NYNRIN: variants seen among roughly 807,000 people sequenced by gnomAD.
NYNRIN encodes NYN domain and retroviral integrase containing, also known as protein NYNRIN.
A neutral mutation model predicts 146.6 loss-of-function variants in NYNRIN; 86 were observed. The ratio of observed to expected loss-of-function variants is 0.59; its 90% confidence interval spans 0.49 to 0.70. The LOEUF is 0.70. Among genes scored for constraint, NYNRIN ranks in the 30% least tolerant of loss-of-function variants. The pLI is 0.00. For synonymous variants in NYNRIN, 1,027 were observed against 1,001.3 expected, an observed-to-expected ratio of 1.03 and a Z score of -0.48; for missense variants, 2,191 against 2,377.7, an observed-to-expected ratio of 0.92 and a Z score of 1.63.
rs1451208498 is a variant in NYNRIN, at chr14:24,413,000, C to T, written c.2646C>T (p.Phe882=). The T allele has an allele frequency of 1.3e-6, 2 of 1,592,614 alleles. No individual in the cohort carries two copies. Among genetic ancestry groups the T allele is most frequent in the Admixed American group, 1.8e-5 (1 of 56,926 alleles). The change falls in exon 7 of 9, where the codon TTC becomes TTT. Residue 882 remains phenylalanine, a synonymous_variant. Coordinates refer to ENST00000382554, the MANE Select transcript of NYNRIN (RefSeq NM_025081.3). ...GKKITTYDYR[F]MVKLAEETDG... is the part of the protein sequence containing the mutation. ...GTGACTTCCCCTCTCCCTGCAGGTT[C>T]ATGGTAAAGCTGGCAGAGGAGACAG...
intron 4 of NYNRIN, among the ~76,000 whole-genome samples, chr14:24,410,783 CAACTG>C (rs1264132210): frequency 1.3e-5 from 2 of 152,240 alleles, no homozygotes; most frequent in Admixed American, 6.5e-5. Context: ...TTTAAGCCCT[CAACTG>C]AGCTCTCTGA....
Position 24,416,183 on chromosome 14 carries a change from G to T in NYNRIN, c.4434G>T (p.Leu1478Phe), listed in dbSNP as rs778926553. 1 of 1,613,994 alleles carries T rather than the reference G, an allele frequency of 6.2e-7. No homozygotes were observed. The highest frequency in any genetic ancestry group is 1.7e-5 in the Admixed American group (1 of 60,026). ...SPHAMGKRPNLLALQLSDSTL... is the reference protein window; with the variant it reads ...SPHAMGKRPNFLALQLSDSTL... ...ATGCCATGGGCAAGAGGCCCAATTTGCTGGCATTACAGCTGAGTGACAGCA... is the reference window on the plus strand; with the variant it reads ...ATGCCATGGGCAAGAGGCCCAATTTTCTGGCATTACAGCTGAGTGACAGCA... The change falls in exon 9 of 9, where the codon TTG (leucine) becomes TTT (phenylalanine). Residue 1478 changes from leucine (L) to phenylalanine (F), a missense_variant. By Grantham distance (22) the Leu-to-Phe change is conservative. Coordinates refer to ENST00000382554, the MANE Select transcript of NYNRIN (RefSeq NM_025081.3).
intron 6 of NYNRIN, 96 bp from the exon 7 acceptor site, chr14:24,412,901 C>T: frequency 1.3e-6 from 1 of 779,664 alleles, no homozygotes; most frequent in African/African-American, 1.7e-5. Flanking sequence ...TTGTCTGACA[C>T]ACCTCAATGT....
Position 24,408,011 on chromosome 14 carries a change from C to G in NYNRIN, c.341C>G (p.Pro114Arg). 1 of 1,614,032 alleles carries G rather than the reference C, an allele frequency of 6.2e-7. No individual in the cohort carries two copies. The highest frequency in any genetic ancestry group is 1.1e-5 in the South Asian group (1 of 91,088). Residue 114 changes from proline (P) to arginine (R), a missense_variant, in exon 3 of 9, where the codon CCC becomes CGC. By Grantham distance (103) the Pro-to-Arg change is moderately radical. Transcript: ENST00000382554. ...ACCCTTGCCTACCTGGTGCCTGGCC[C>G]CCCTGGCTCCCTGATGGTGGGCGGG... ...WSTLAYLVPG[P>R]PGSLMVGGLT...
In NYNRIN at chr14:24,415,483, G is replaced by A. The variant is rs368016452; in HGVS notation, c.3734G>A (p.Arg1245Gln). ...CGGACCACTGCGGACCCTGAGGTGC[G>A]GGAGGGCCGCAGGGTTTCCAAAGCT... ...ASRTTADPEV[R>Q]EGRRVSKAWL... Residue 1245 changes from arginine to glutamine, a missense_variant, in exon 9 of 9, where the codon CGG (arginine) becomes CAG (glutamine). Transcript: ENST00000382554. The A allele has an allele frequency of 5.3e-5, 86 of 1,613,722 alleles. No homozygotes were observed. Among genetic ancestry groups the A allele is most frequent in the Non-Finnish European group, 6.5e-5 (77 of 1,179,840 alleles).
intron 2 of NYNRIN, among the ~76,000 whole-genome samples, chr14:24,399,715 C>G (rs983755164): frequency 6.6e-6 from 1 of 152,162 alleles, no homozygotes; most frequent in Non-Finnish European, 1.5e-5. Flanking sequence ...AGAGCACCTC[C>G]TCGGTGTGTG....
chr14:24,417,191 C>G lies in NYNRIN; in HGVS notation c.5442C>G (p.Asn1814Lys), dbSNP rs1566488892. The G allele has an allele frequency of 1.9e-6, 3 of 1,613,954 alleles. No individual in the cohort carries two copies. The African/African-American group carries it at 4.0e-5, about 22-fold the overall frequency. Residue 1814 changes from asparagine (N) to lysine (K), a missense_variant, in exon 9 of 9, where the codon AAC (asparagine) becomes AAG (lysine). By Grantham distance (94) the Asn-to-Lys change is moderately conservative (BLOSUM62 0). This residue lies in a region of NYNRIN where 1,291 missense variants were observed against 1,417.0 expected (regional missense o/e 0.91). Transcript: ENST00000382554. ...VADKASEKAE[N>K]RRFKRESQEK... Reference sequence around the variant, plus strand: ...ACAAGGCGAGTGAAAAGGCCGAGAACAGGCGTTTCAAGCGGGAGAGCCAGG... The same window carrying G: ...ACAAGGCGAGTGAAAAGGCCGAGAAGAGGCGTTTCAAGCGGGAGAGCCAGG...
At position 24,418,993 on chromosome 14, in the gene NYNRIN, G is replaced by GA. The variant is rs200923083; in HGVS notation, c.*1548dup. The GA allele has an allele frequency of 6.6e-6, 1 of 152,226 alleles. No individual in the cohort carries two copies. The highest frequency in any genetic ancestry group is 1.9e-4 in the East Asian group (1 of 5,196). 9.4% of individuals were successfully genotyped at this position (152,226 alleles called of 1,614,324 possible). A position where few individuals can be genotyped will look rare whatever the true frequency, so the allele number is the denominator to read the frequency against. On this transcript the variant is annotated 3_prime_UTR_variant, in exon 9 of 9. Transcript: ENST00000382554. ...AACTCTTCATCTCCCTGATCTTCCA[G>GA]ACAAACTACCTGGATGTTGCCCTTA... is the stretch of plus-strand genomic sequence containing the variant.
In NYNRIN at chr14:24,414,744, A is replaced by G. The variant is rs1285850000; in HGVS notation, c.2995A>G (p.Arg999Gly). ...MEEVREEKEERQDEEQRQGQG... is the reference protein window; with the variant it reads ...MEEVREEKEEGQDEEQRQGQG... The stretch of plus-strand genomic sequence containing the variant: ...AGAAGTCAGGGAAGAGAAGGAGGAG[A>G]GGCAGGATGAGGAGCAGAGACAGGG... Residue 999 changes from arginine to glycine, a missense_variant, in exon 9 of 9, where the codon AGG (arginine) becomes GGG (glycine). Physicochemically the swap from Arg to Gly is moderately radical, Grantham distance 125. Coordinates refer to ENST00000382554, the MANE Select transcript of NYNRIN (RefSeq NM_025081.3). 3.1e-6 allele frequency: 5 copies of G among 1,613,614 alleles called. No homozygotes were observed. Among genetic ancestry groups the G allele is most frequent in the Non-Finnish European group, 4.2e-6 (5 of 1,179,724 alleles).
At chr14:24,403,791 T>C (rs7157417) in intron 2 of NYNRIN, among the ~76,000 whole-genome samples, 16,407 of 152,240 alleles carry the variant, frequency 0.11, 1,242 homozygotes, top group Admixed American at 0.23. Flanking sequence ...CCGGGAAAAG[T>C]TTTACAGGAG....
At chr14:24,405,796 A>G (rs563418593) in intron 2 of NYNRIN, among the ~76,000 whole-genome samples, 4 of 152,356 alleles carry the variant, frequency 2.6e-5, no homozygotes, top group Non-Finnish European at 5.9e-5. Context: ...CTGACACATA[A>G]TAAGCTCTCA....
At chr14:24,401,189 G>A (rs1012581727) in intron 2 of NYNRIN, among the ~76,000 whole-genome samples, 2 of 152,284 alleles carry the variant, frequency 1.3e-5, no homozygotes, top group East Asian at 3.9e-4. Flanking sequence ...TGCTGCTTCA[G>A]GGTTCTTCGG....
chr14:24,408,758 C>G lies in NYNRIN; in HGVS notation c.964C>G (p.Gln322Glu), dbSNP rs1359398019. 10 of 1,613,830 alleles carry G rather than the reference C, an allele frequency of 6.2e-6. No individual in the cohort carries two copies. In the East Asian group the frequency reaches 1.8e-4, roughly 29 times the overall value. ...STNHTQALLK[Q>E]RQVQKIEDKL... ...GAACCACACACAAGCCTTGTTGAAG[C>G]AAAGGCAGGTCCAGAAGATAGAAGA... Residue 322 changes from glutamine (Q) to glutamate (E), a missense_variant, in exon 4 of 9, where the codon CAA (glutamine) becomes GAA (glutamate). Gln to Glu is a conservative substitution (Grantham distance 29). Around this residue, in one of 3 missense-constraint regions of NYNRIN, gnomAD observed 895 missense variants for 941.2 expected, o/e 0.95. Transcript: ENST00000382554.
rs1426696473 is a variant in NYNRIN, at chr14:24,413,415, C to T, written c.2844C>T (p.Asn948=). 1.2e-6 allele frequency: 2 copies of T among 1,608,802 alleles called. No homozygotes were observed. Among genetic ancestry groups the T allele is most frequent in the Non-Finnish European group, 1.7e-6 (2 of 1,177,234 alleles). ...TGGATGAGTTTCTGAAGAAGCCAAA[C>T]AGGTAATAGGTCAGACCTCCCCAGC... The part of the protein sequence containing the change: ...PTLDEFLKKP[N]RLDTDIGNFL... The change falls in exon 8 of 9, where the codon AAC becomes AAT. Residue 948 remains asparagine, a splice_region_variant and synonymous_variant. Coordinates refer to ENST00000382554, the MANE Select transcript of NYNRIN (RefSeq NM_025081.3).
Position 24,416,012 on chromosome 14 carries a change from C to G in NYNRIN, c.4263C>G (p.Leu1421=), listed in dbSNP as rs749917278. 7 of 1,614,028 alleles carry G rather than the reference C, an allele frequency of 4.3e-6. No individual in the cohort carries two copies. The East Asian group carries it at 1.6e-4, about 36-fold the overall frequency. ...LSYIISLTSG[L]SSLPFIYRTS... ...ACATTATATCCCTCACCTCTGGCCT[C>G]TCATCCCTTCCGTTTATCTACCGAA... The change falls in exon 9 of 9, where the codon CTC becomes CTG. Residue 1421 remains leucine, a synonymous_variant. Coordinates refer to ENST00000382554, the MANE Select transcript of NYNRIN (RefSeq NM_025081.3).
chr14:24,403,909 G>A (rs1414633191), intron 2 of NYNRIN, among the ~76,000 whole-genome samples: 1 of 152,228 alleles, frequency 6.6e-6, no homozygotes, highest in Non-Finnish European at 1.5e-5. Flanking sequence ...TCAGAAATGT[G>A]AGGGTTGTGC....
At position 24,415,571 on chromosome 14, in the gene NYNRIN, C is replaced by T. The variant is rs754599205; in HGVS notation, c.3822C>T (p.Leu1274=). 1 of 1,613,942 alleles carries T rather than the reference C, an allele frequency of 6.2e-7. No homozygotes were observed. Among genetic ancestry groups the T allele is most frequent in the Non-Finnish European group, 8.5e-7 (1 of 1,179,878 alleles). Residue 1274 remains leucine (L), a synonymous_variant, in exon 9 of 9, where the codon CTC becomes CTT. Coordinates refer to ENST00000382554, the MANE Select transcript of NYNRIN (RefSeq NM_025081.3). ...GCAAGAGGGCCCTGGAATTGGCCCT[C>T]CTCCAGGGCCTGCTGGGGGAGAACC... ...DKGKRALELA[L]LQGLLGENRL...
intron 8 of NYNRIN, among the ~76,000 whole-genome samples, chr14:24,414,161 C>T (rs2042929525): frequency 6.6e-6 from 1 of 152,148 alleles, no homozygotes; most frequent in Admixed American, 6.5e-5. Context: ...TCTTACCTTG[C>T]CAATTTGGAA....
Position 24,418,764 on chromosome 14 carries a change from G to A in NYNRIN, c.*1318G>A, listed in dbSNP as rs1364259155. The A allele has an allele frequency of 2.6e-5, 4 of 153,150 alleles. No homozygotes were observed. The highest frequency in any genetic ancestry group is 9.6e-5 in the African/African-American group (4 of 41,464). The allele number at this position is 153,150 out of a possible 1,614,324, so 9.5% of individuals were successfully genotyped here. ...TTGGCATTGCAGAGTGCTAGAGCCAGTGGAGAACTTGCCAACTTGATTGTT... is the reference window on the plus strand; with the variant it reads ...TTGGCATTGCAGAGTGCTAGAGCCAATGGAGAACTTGCCAACTTGATTGTT... On this transcript the variant is annotated 3_prime_UTR_variant, in exon 9 of 9. Coordinates refer to ENST00000382554, the MANE Select transcript of NYNRIN (RefSeq NM_025081.3).
Sources: gnomAD v4.1 joint callset for allele counts (sites outside exome capture counted in the v4.1 genomes callset) on GRCh38, gnomAD v4.1.1 for gene constraint, gnomAD v4.1.1 regional missense constraint, MANE v1.5 for transcripts, NCBI Gene and HGNC (gene_info 2026-07-23, HGNC 2026-07-21) for gene names.